The following NPAS3 variants were observed in gnomAD, a reference collection of about 807,000 sequenced individuals.
The protein encoded by NPAS3 is neuronal PAS domain-containing protein 3.
In NPAS3, 14 loss-of-function variants were observed where a neutral mutation model predicts 73.1. That is an observed-to-expected ratio of 0.19 (90% CI 0.13 to 0.30). The LOEUF (loss-of-function observed/expected upper bound fraction) is 0.30, where lower values mean the gene tolerates loss of function less well. Ranked by LOEUF, NPAS3 falls within the 10% of genes least tolerant of loss-of-function variation. The pLI, the probability that NPAS3 is intolerant of heterozygous loss-of-function variation, is 1.00. For missense variants in NPAS3, 1,096 were observed against 1,250.0 expected (o/e 0.88, Z 1.86); for synonymous variants, 620 against 541.5 (o/e 1.14, Z -2.01).
At chr14:33,029,475 C>T (rs1270605049) in intron 1 of NPAS3, among the ~76,000 whole-genome samples, 3 of 152,068 alleles carry the variant, frequency 2.0e-5, no homozygotes, top group African/African-American at 4.8e-5. Context: ...CAAAAATCAG[C>T]CCAGTATTTC....
At chr14:33,103,587 G>A (rs2042639370) in intron 2 of NPAS3, among the ~76,000 whole-genome samples, 1 of 152,218 alleles carries the variant, frequency 6.6e-6, no homozygotes, top group South Asian at 2.1e-4. Flanking sequence ...AGATTTATTT[G>A]CACTGTGAAA....
chr14:33,400,554 G>T (rs2047402870), intron 4 of NPAS3, among the ~76,000 whole-genome samples: 1 of 152,114 alleles, frequency 6.6e-6, no homozygotes. Context: ...TGTTCTGCCA[G>T]ATAAATTAAT....
intron 9 of NPAS3, among the ~76,000 whole-genome samples, chr14:33,781,784 T>C (rs2062986929): frequency 6.6e-6 from 1 of 152,278 alleles, no homozygotes; most frequent in East Asian, 1.9e-4. Flanking sequence ...TTAATAGTCT[T>C]TGATAACTAA....
At chr14:33,189,160 A>AGG (rs2046081396) in intron 2 of NPAS3, among the ~76,000 whole-genome samples, 1 of 152,222 alleles carries the variant, frequency 6.6e-6, no homozygotes, top group South Asian at 2.1e-4. Flanking sequence ...ATAGGCCTAA[A>AGG]CAATTTACCT....
chr14:33,618,440 A>T (rs934280550), intron 5 of NPAS3, among the ~76,000 whole-genome samples: 2 of 152,068 alleles, frequency 1.3e-5, no homozygotes, highest in African/African-American at 2.4e-5. Context: ...TGCAACCTAG[A>T]TCCCTCCCAT....
rs940740059 is a variant in NPAS3 at position 33,512,016 on chromosome 14, C to G, written c.469-48105C>G. 7.9e-5 allele frequency among the ~76,000 whole-genome samples: 12 copies of G among 152,066 alleles called. No individual in the cohort carries two copies. The East Asian group carries it at 2.3e-3, about 30-fold the overall frequency. ...TCCACACAGCATGGGTTGAGTAGCACCACTCTATATAGGAACCAATTTTGA... is the reference window on the plus strand; with the variant it reads ...TCCACACAGCATGGGTTGAGTAGCAGCACTCTATATAGGAACCAATTTTGA... On this transcript the variant is annotated intron_variant, in intron 4 of 11. Transcript: ENST00000356141.
chr14:33,078,518 T>G (rs1479923392), intron 2 of NPAS3, among the ~76,000 whole-genome samples: 1 of 121,126 alleles, frequency 8.3e-6, no homozygotes, highest in Non-Finnish European at 1.7e-5. Context: ...ATTAATGTCT[T>G]ACAAAAACAA....
chr14:33,086,172 T>G (rs2042019608), intron 2 of NPAS3, among the ~76,000 whole-genome samples: 1 of 152,188 alleles, frequency 6.6e-6, no homozygotes, highest in Admixed American at 6.5e-5. Context: ...AAGCTTTATT[T>G]AGTTGACTGC....
exon 2 of NPAS3, chr14:33,055,918 C>T: frequency 1.2e-6 from 1 of 810,244 alleles, no homozygotes; most frequent in Non-Finnish European, 2.1e-6. Flanking sequence ...AACTGCCCAG[C>T]ATCCTCTGCC....
intron 1 of NPAS3, among the ~76,000 whole-genome samples, chr14:32,980,666 C>A: frequency 6.6e-6 from 1 of 152,042 alleles, no homozygotes; most frequent in East Asian, 1.9e-4. Context: ...GCATCAAGGA[C>A]CTCTGAGTCC....
chr14:33,689,530 A>C (rs778758051), intron 6 of NPAS3, among the ~76,000 whole-genome samples: 2 of 152,200 alleles, frequency 1.3e-5, no homozygotes, highest in Non-Finnish European at 2.9e-5. Context: ...ACAGTGCTCC[A>C]GTTACCTCAC....
intron 4 of NPAS3, among the ~76,000 whole-genome samples, chr14:33,414,152 A>C (rs2048049422): frequency 6.6e-6 from 1 of 152,142 alleles, no homozygotes; most frequent in Non-Finnish European, 1.5e-5. Context: ...GAGCAAGCTT[A>C]AATGATTGCA....
At chr14:33,147,173 T>C (rs2044265421) in intron 2 of NPAS3, among the ~76,000 whole-genome samples, 1 of 152,152 alleles carries the variant, frequency 6.6e-6, no homozygotes, top group Non-Finnish European at 1.5e-5. Context: ...ATTTTTTTCT[T>C]CCACATCCTA....
intron 3 of NPAS3, among the ~76,000 whole-genome samples, chr14:33,349,531 TAAG>T (rs1418931567): frequency 6.6e-5 from 10 of 152,242 alleles, no homozygotes; most frequent in Non-Finnish European, 1.3e-4. Flanking sequence ...ATTCAAATTC[TAAG>T]AAGTGATTTT....
intron 7 of NPAS3, 46 bp downstream of exon 7, chr14:33,735,378 C>A: frequency 1.5e-6 from 2 of 1,331,316 alleles, no homozygotes; most frequent in Non-Finnish European, 2.2e-6. Context: ...CAGGCCAGTC[C>A]TAGGTAATTT....
At chr14:33,057,046 ACTTT>A (rs1468856383) in intron 2 of NPAS3, among the ~76,000 whole-genome samples, 1 of 146,608 alleles carries the variant, frequency 6.8e-6, no homozygotes, top group East Asian at 2.0e-4. Flanking sequence ...GTTGTAGAGC[ACTTT>A]CTTTCATGGT....
At chr14:33,703,607 G>A (rs1461562895) in intron 6 of NPAS3, among the ~76,000 whole-genome samples, 2 of 152,002 alleles carry the variant, frequency 1.3e-5, no homozygotes, top group African/African-American at 2.4e-5. Flanking sequence ...AAATTTTAAT[G>A]TTATCATTTA....
chr14:33,199,554 A>C (rs1030996353), intron 2 of NPAS3, among the ~76,000 whole-genome samples: 2 of 152,080 alleles, frequency 1.3e-5, no homozygotes, highest in Admixed American at 1.3e-4. Context: ...CCACCTCCAG[A>C]GTGTAGAAAG....
intron 4 of NPAS3, among the ~76,000 whole-genome samples, chr14:33,526,112 C>T (rs1261729858): frequency 1.3e-5 from 2 of 152,056 alleles, no homozygotes; most frequent in Non-Finnish European, 2.9e-5. Flanking sequence ...TGTTGTTTTC[C>T]TACCGGTATT....
Sources: gnomAD v4.1 joint callset for allele counts (sites outside exome capture counted in the v4.1 genomes callset) on GRCh38, gnomAD v4.1.1 for gene constraint, MANE v1.5 for transcripts, NCBI Gene and HGNC (gene_info 2026-07-23, HGNC 2026-07-21) for gene names.